The following SEMA6A variants were observed in gnomAD, a reference collection of about 807,000 sequenced individuals.
The protein encoded by SEMA6A is semaphorin 6A, also known as semaphorin-6A.
SEMA6A carries 25 observed loss-of-function variants against 96.8 expected under a neutral mutation model. The observed-to-expected ratio is 0.26, with a 90% CI of 0.19 to 0.36. The LOEUF (loss-of-function observed/expected upper bound fraction) is 0.36. SEMA6A is among the 10% of genes least tolerant of loss of function. The pLI is 1.00. For missense variants in SEMA6A, 1,363 were observed against 1,323.1 expected, an observed-to-expected ratio of 1.03 and a Z score of -0.47; for synonymous variants, 612 against 518.0, an observed-to-expected ratio of 1.18 and a Z score of -2.46.
At chr5:116,501,296 A>G (rs1167771209) in intron 3 of SEMA6A, among the ~76,000 whole-genome samples, 2 of 152,214 alleles carry the variant, frequency 1.3e-5, no homozygotes, top group Admixed American at 1.3e-4. Context: ...ACAAAAGCCT[A>G]AATTTATGTG....
At chr5:116,499,332 C>A (rs562465992) in intron 3 of SEMA6A, among the ~76,000 whole-genome samples, 55 of 150,210 alleles carry the variant, frequency 3.7e-4, no homozygotes, top group Non-Finnish European at 6.2e-4. Context: ...TGAACATAAA[C>A]TGACTTAATC....
chr5:116,563,751 C>T (rs1760913453), intron 1 of SEMA6A, among the ~76,000 whole-genome samples: 1 of 152,234 alleles, frequency 6.6e-6, no homozygotes, highest in South Asian at 2.1e-4. Context: ...ATCTTACTCC[C>T]ACTGTTCTCC....
intron 18 of SEMA6A, 93 bp downstream of exon 18, chr5:116,467,490 A>C: frequency 7.6e-7 from 1 of 1,323,796 alleles, no homozygotes; most frequent in East Asian, 2.5e-5. Flanking sequence ...GGTTCCTTAA[A>C]TGCTGCCAAA....
Position 116,491,842 on chromosome 5 carries a change from A to T in SEMA6A, c.445-12T>A. The T allele has an allele frequency of 6.3e-7, 1 of 1,587,798 alleles. No individual in the cohort carries two copies. Among genetic ancestry groups the T allele is most frequent in the Non-Finnish European group, 8.6e-7 (1 of 1,156,400 alleles). ...TCCAATGTATCCATCTAAATGAAATAATCAGACTTAATTACAAACAACAAC... is the reference window on the plus strand; with the variant it reads ...TCCAATGTATCCATCTAAATGAAATTATCAGACTTAATTACAAACAACAAC... On this transcript the variant is annotated splice_polypyrimidine_tract_variant and intron_variant, in intron 6 of 18. Transcript: ENST00000343348.
At chr5:116,549,215 T>C (rs1272336428) in intron 1 of SEMA6A, among the ~76,000 whole-genome samples, 1 of 152,134 alleles carries the variant, frequency 6.6e-6, no homozygotes, top group Non-Finnish European at 1.5e-5. Flanking sequence ...AGGGCCTGAA[T>C]CTAGAAATAA....
chr5:116,478,211 C>G, intron 13 of SEMA6A, 57 bp from the exon 14 acceptor site: 7 of 1,571,674 alleles, frequency 4.5e-6, no homozygotes, highest in Non-Finnish European at 8.7e-7. Flanking sequence ...TTCTCGGCCC[C>G]ACCCTCACAT....
chr5:116,502,971 TG>T (rs1757958774), intron 2 of SEMA6A, among the ~76,000 whole-genome samples: 1 of 152,170 alleles, frequency 6.6e-6, no homozygotes. Context: ...TCAAACTGAG[TG>T]TAGCCAGTCA....
intron 1 of SEMA6A, among the ~76,000 whole-genome samples, chr5:116,545,985 G>C (rs1760170104): frequency 6.6e-6 from 1 of 152,138 alleles, no homozygotes; most frequent in South Asian, 2.1e-4. Context: ...AGCTATTTCA[G>C]GAGGCTAAGG....
chr5:116,515,176 T>G (rs535690417), intron 1 of SEMA6A, among the ~76,000 whole-genome samples: 139 of 152,316 alleles, frequency 9.1e-4, no homozygotes, highest in African/African-American at 3.2e-3. Context: ...GCTTATTGGA[T>G]TTGTAGACAC....
intron 18 of SEMA6A, among the ~76,000 whole-genome samples, chr5:116,454,690 AC>A (rs1449470135): frequency 6.6e-6 from 1 of 152,188 alleles, no homozygotes; most frequent in African/African-American, 2.4e-5. Context: ...TTCTTGTCTT[AC>A]GGCATAATGT....
chr5:116,507,485 C>T (rs1758193856), intron 1 of SEMA6A, among the ~76,000 whole-genome samples: 1 of 152,158 alleles, frequency 6.6e-6, no homozygotes, highest in African/African-American at 2.4e-5. Flanking sequence ...TACAGACTTG[C>T]ACCAGCCCAG....
intron 1 of SEMA6A, chr5:116,536,461 G>C (rs768628909): frequency 6.6e-6 from 1 of 152,146 alleles, no homozygotes; most frequent in African/African-American, 2.4e-5. Context: ...AACGCATTGC[G>C]AACTGTAAGT....
chr5:116,538,297 T>G (rs1759814429), intron 1 of SEMA6A, among the ~76,000 whole-genome samples: 1 of 152,254 alleles, frequency 6.6e-6, no homozygotes, highest in South Asian at 2.1e-4. Flanking sequence ...GAGTTTTTTT[T>G]GCAATGATAG....
chr5:116,457,875 C>T (rs1755116527), intron 18 of SEMA6A, among the ~76,000 whole-genome samples: 1 of 152,122 alleles, frequency 6.6e-6, no homozygotes, highest in Non-Finnish European at 1.5e-5. Flanking sequence ...CTGGAACCAA[C>T]AAATGAACAC....
chr5:116,477,798 C>A (rs1356040591), intron 15 of SEMA6A, 48 bp downstream of exon 15: 3 of 1,576,886 alleles, frequency 1.9e-6, no homozygotes, highest in East Asian at 2.2e-5. Context: ...CTAGAATACA[C>A]CTTGGCTGGA....
At chr5:116,460,728 C>T (rs1409560869) in intron 18 of SEMA6A, among the ~76,000 whole-genome samples, 1 of 151,874 alleles carries the variant, frequency 6.6e-6, no homozygotes, top group African/African-American at 2.4e-5. Context: ...TTAAATGACT[C>T]CCACAAATAT....
chr5:116,550,125 A>T (rs1182011712), intron 1 of SEMA6A: 2 of 152,208 alleles, frequency 1.3e-5, no homozygotes, highest in Non-Finnish European at 2.9e-5. Context: ...AGTCATTGTC[A>T]TTTTAAAATA....
intron 18 of SEMA6A, among the ~76,000 whole-genome samples, chr5:116,455,870 C>T (rs942178903): frequency 1.3e-5 from 2 of 152,088 alleles, no homozygotes; most frequent in African/African-American, 4.8e-5. Context: ...GTATGTCACT[C>T]GGTCTCCAGG....
At chr5:116,561,626 TA>T (rs1335899242) in intron 1 of SEMA6A, among the ~76,000 whole-genome samples, 1 of 152,232 alleles carries the variant, frequency 6.6e-6, no homozygotes, top group South Asian at 2.1e-4. Flanking sequence ...AATGTCAAGT[TA>T]TTCACAACAT....
Sources: gnomAD v4.1 joint callset for allele counts (sites outside exome capture counted in the v4.1 genomes callset) on GRCh38, gnomAD v4.1.1 for gene constraint, MANE v1.5 for transcripts, NCBI Gene and HGNC (gene_info 2026-07-23, HGNC 2026-07-21) for gene names.